The following PAK1 variants were observed in gnomAD, a reference collection of about 807,000 sequenced individuals.
PAK1 encodes serine/threonine-protein kinase PAK 1.
PAK1 carries 29 observed loss-of-function variants against 67.4 expected under a neutral mutation model. The observed-to-expected ratio is 0.43, with a 90% CI of 0.32 to 0.59. The LOEUF is 0.59. Ranked by LOEUF, PAK1 falls within the 20% of genes least tolerant of loss-of-function variation. The pLI is 0.07. For missense variants in PAK1, 337 were observed against 670.7 expected, an observed-to-expected ratio of 0.50 and a Z score of 5.50; for synonymous variants, 223 against 237.4, an observed-to-expected ratio of 0.94 and a Z score of 0.56.
At chr11:77,343,225 GA>G (rs1943898862) in intron 10 of PAK1, among the ~76,000 whole-genome samples, 1 of 148,862 alleles carries the variant, frequency 6.7e-6, no homozygotes, top group Non-Finnish European at 1.5e-5. Flanking sequence ...TGAAGATAGT[GA>G]AAAAGTTCCA....
the PAK1 span, among the ~76,000 whole-genome samples, chr11:77,491,545 GA>G: frequency 6.6e-6 from 1 of 151,496 alleles, no homozygotes; most frequent in Non-Finnish European, 1.5e-5. Context: ...AAATAGAAAA[GA>G]AAAAAAATAA....
intron 9 of PAK1, among the ~76,000 whole-genome samples, chr11:77,345,756 T>A (rs1477576352): frequency 6.6e-6 from 1 of 152,176 alleles, no homozygotes; most frequent in Non-Finnish European, 1.5e-5. Context: ...TTCCTAACGT[T>A]TGAAAAGCAA....
intron 1 of PAK1, among the ~76,000 whole-genome samples, chr11:77,400,837 C>T (rs1222001075): frequency 6.6e-6 from 1 of 152,118 alleles, no homozygotes; most frequent in Non-Finnish European, 1.5e-5. Context: ...CGTCAGCTAC[C>T]GTTTGACAAG....
chr11:77,487,399 C>T, the PAK1 span, among the ~76,000 whole-genome samples: 15 of 151,892 alleles, frequency 9.9e-5, no homozygotes, highest in East Asian at 2.9e-3. Context: ...ATGGTAGCCA[C>T]AGGGAGGGAC....
chr11:77,349,161 A>T, intron 9 of PAK1, 78 bp downstream of exon 9: 1 of 935,704 alleles, frequency 1.1e-6, no homozygotes, highest in Non-Finnish European at 1.7e-6. Context: ...GTTCCTGTTG[A>T]CCTAACAAGG....
At chr11:77,515,326 T>C in the PAK1 span, among the ~76,000 whole-genome samples, 1 of 152,182 alleles carries the variant, frequency 6.6e-6, no homozygotes, top group East Asian at 1.9e-4. Flanking sequence ...CTTTAATGAG[T>C]TAATCTAGAT....
the PAK1 span, among the ~76,000 whole-genome samples, chr11:77,481,114 G>A: frequency 1.2e-4 from 19 of 152,238 alleles, no homozygotes; most frequent in South Asian, 3.9e-3. Context: ...GTTGGATGCA[G>A]CATTCTATTT....
At chr11:77,361,987 C>G (rs1464113846) in intron 5 of PAK1, among the ~76,000 whole-genome samples, 1 of 151,958 alleles carries the variant, frequency 6.6e-6, no homozygotes, top group Non-Finnish European at 1.5e-5. Context: ...ATACTAGAAC[C>G]AAAACACTGT....
intron 1 of PAK1, among the ~76,000 whole-genome samples, chr11:77,419,064 C>T (rs1955119689): frequency 6.6e-6 from 1 of 152,156 alleles, no homozygotes; most frequent in Non-Finnish European, 1.5e-5. Context: ...AACTGGCTGG[C>T]TAATACACTG....
chr11:77,353,693 T>A, intron 7 of PAK1, 94 bp from the exon 8 acceptor site: 1 of 948,888 alleles, frequency 1.1e-6, no homozygotes, highest in Non-Finnish European at 1.7e-6. Context: ...TGGCAAGGGT[T>A]AAAGAACTAC....
At chr11:77,493,921 T>G in the PAK1 span, among the ~76,000 whole-genome samples, 1 of 152,208 alleles carries the variant, frequency 6.6e-6, no homozygotes, top group Admixed American at 6.5e-5. Context: ...CATATTTGGT[T>G]TGATGTGTTT....
chr11:77,338,517 C>T (rs547439230), intron 11 of PAK1, among the ~76,000 whole-genome samples: 3 of 152,066 alleles, frequency 2.0e-5, no homozygotes, highest in Admixed American at 2.0e-4. Flanking sequence ...CTGGCAGGAA[C>T]GTAAAACAGT....
intron 2 of PAK1, among the ~76,000 whole-genome samples, chr11:77,383,019 T>A (rs983599835): frequency 2.0e-5 from 3 of 151,766 alleles, no homozygotes; most frequent in Non-Finnish European, 4.4e-5. Context: ...AAAGAAAATA[T>A]TAGGGAGTGA....
intron 1 of PAK1, among the ~76,000 whole-genome samples, chr11:77,418,275 GA>G (rs1955077508): frequency 6.6e-6 from 1 of 152,104 alleles, no homozygotes; most frequent in Non-Finnish European, 1.5e-5. Flanking sequence ...GAACAGTTCA[GA>G]CTACACTTTC....
chr11:77,396,274 A>G (rs1183074239), intron 1 of PAK1, among the ~76,000 whole-genome samples: 1 of 152,268 alleles, frequency 6.6e-6, no homozygotes, highest in Non-Finnish European at 1.5e-5. Flanking sequence ...TAGGTCATCC[A>G]GTCTATGCTT....
At chr11:77,408,097 A>C (rs1953899619) in intron 1 of PAK1, 1 of 152,280 alleles carries the variant, frequency 6.6e-6, no homozygotes, top group Non-Finnish European at 1.5e-5. Context: ...TTGCTAAATC[A>C]AAAGTGCCCT....
At chr11:77,339,241 T>C (rs576417189) in intron 11 of PAK1, among the ~76,000 whole-genome samples, 5 of 152,260 alleles carry the variant, frequency 3.3e-5, no homozygotes, top group Admixed American at 2.6e-4. Flanking sequence ...ATTTTACAGA[T>C]TAATAATGAG....
At chr11:77,327,659 A>G (rs1308646857) in intron 14 of PAK1, among the ~76,000 whole-genome samples, 11 of 150,918 alleles carry the variant, frequency 7.3e-5, no homozygotes, top group African/African-American at 1.5e-4. Flanking sequence ...AGGAACAACC[A>G]GTACCAGCCA....
intron 14 of PAK1, among the ~76,000 whole-genome samples, chr11:77,326,125 A>G (rs1201241655): frequency 6.6e-6 from 1 of 152,226 alleles, no homozygotes; most frequent in East Asian, 1.9e-4. Context: ...GGGCAATACA[A>G]TAAAAGAACA....
Sources: gnomAD v4.1 joint callset for allele counts (sites outside exome capture counted in the v4.1 genomes callset) on GRCh38, gnomAD v4.1.1 for gene constraint, MANE v1.5 for transcripts, NCBI Gene and HGNC (gene_info 2026-07-23, HGNC 2026-07-21) for gene names.